The following LMX1A variants were observed in gnomAD, a reference collection of about 807,000 sequenced individuals.
LMX1A encodes LIM homeobox transcription factor 1 alpha.
A neutral mutation model predicts 49.1 loss-of-function variants in LMX1A; 15 were observed. That is an observed-to-expected ratio of 0.31 (90% CI 0.20 to 0.47). LMX1A has a LOEUF of 0.47. LMX1A is among the 20% of genes least tolerant of loss of function. The pLI is 1.00. For missense variants in LMX1A, 372 were observed against 475.8 expected, an observed-to-expected ratio of 0.78 and a Z score of 2.03; for synonymous variants, 167 against 185.7, an observed-to-expected ratio of 0.90 and a Z score of 0.82.
At chr1:165,213,920 T>C (rs1402648760) in intron 4 of LMX1A, 107 bp from the exon 5 acceptor site, 27 of 935,512 alleles carry the variant, frequency 2.9e-5, no homozygotes, top group Non-Finnish European at 4.3e-5. Context: ...GATGGCTTTA[T>C]GTATGAGAGC....
intron 4 of LMX1A, among the ~76,000 whole-genome samples, chr1:165,240,394 A>C (rs1457304423): frequency 3.9e-5 from 6 of 151,922 alleles, no homozygotes. Flanking sequence ...TCTCCAAGCT[A>C]TGTCCCTTTT....
At chr1:165,233,128 C>T (rs4657413) in intron 4 of LMX1A, among the ~76,000 whole-genome samples, 1 of 152,148 alleles carries the variant, frequency 6.6e-6, no homozygotes, top group African/African-American at 2.4e-5. Context: ...TGAAGACTCA[C>T]ACAATTGCAT....
At chr1:165,263,316 T>C (rs1188730547) in intron 3 of LMX1A, among the ~76,000 whole-genome samples, 2 of 152,142 alleles carry the variant, frequency 1.3e-5, no homozygotes, top group East Asian at 3.9e-4. Flanking sequence ...AAAATAAAAT[T>C]CCTGATCTTT....
chr1:165,213,958 G>T, intron 4 of LMX1A, 145 bp from the exon 5 acceptor site: 1 of 707,280 alleles, frequency 1.4e-6, no homozygotes, highest in Non-Finnish European at 2.3e-6. Context: ...TGCTTTGAAA[G>T]CTTCCAGGAA....
chr1:165,321,474 A>C (rs891579142), intron 3 of LMX1A, among the ~76,000 whole-genome samples: 1 of 152,184 alleles, frequency 6.6e-6, no homozygotes, highest in Non-Finnish European at 1.5e-5. Flanking sequence ...TCTCCTCTGC[A>C]ATAGCTTCCT....
intron 7 of LMX1A, among the ~76,000 whole-genome samples, chr1:165,206,688 T>A (rs1651096014): frequency 6.6e-6 from 1 of 152,092 alleles, no homozygotes; most frequent in Non-Finnish European, 1.5e-5. Flanking sequence ...CTAGCAGGCA[T>A]TAGGGCCCTA....
At chr1:165,245,409 C>A (rs1311425787) in intron 4 of LMX1A, among the ~76,000 whole-genome samples, 5 of 152,156 alleles carry the variant, frequency 3.3e-5, no homozygotes, top group Admixed American at 1.3e-4. Flanking sequence ...CTACGTTGAA[C>A]CAAAATCTGT....
intron 3 of LMX1A, among the ~76,000 whole-genome samples, chr1:165,275,046 A>G (rs979586016): frequency 6.6e-6 from 1 of 152,122 alleles, no homozygotes; most frequent in African/African-American, 2.4e-5. Flanking sequence ...GTCTTATTTT[A>G]ATTTTTAATT....
At chr1:165,283,258 A>G (rs1248507675) in intron 3 of LMX1A, among the ~76,000 whole-genome samples, 1 of 152,244 alleles carries the variant, frequency 6.6e-6, no homozygotes, top group African/African-American at 2.4e-5. Context: ...GTAACATAGA[A>G]GCAATAGGTT....
chr1:165,296,548 C>A (rs1235188174), intron 3 of LMX1A, among the ~76,000 whole-genome samples: 1 of 152,256 alleles, frequency 6.6e-6, no homozygotes, highest in Non-Finnish European at 1.5e-5. Flanking sequence ...TCACCTTCTT[C>A]AATGTCGCCA....
In LMX1A at chr1:165,235,393, C is replaced by G. The variant is rs143987308; in HGVS notation, c.496+14015G>C. On this transcript the variant is annotated intron_variant, in intron 4 of 8. Coordinates refer to ENST00000342310, the MANE Select transcript of LMX1A (RefSeq NM_177398.4). ...CTCCCTTTCAGCACAAGCGCTCACACGTGCGCTCGCGCGGACACACACACA... is the reference window on the plus strand; with the variant it reads ...CTCCCTTTCAGCACAAGCGCTCACAGGTGCGCTCGCGCGGACACACACACA... Among the ~76,000 whole-genome samples, 16 of 127,790 alleles carry G rather than the reference C, an allele frequency of 1.3e-4. No individual in the cohort carries two copies. The East Asian group carries it at 3.7e-3, about 30-fold the overall frequency. The allele number at this position is 127,790 out of a possible 152,430, so 83.8% of individuals were successfully genotyped here. A position where few individuals can be genotyped will look rare whatever the true frequency, so the allele number is the denominator to read the frequency against.
chr1:165,294,272 C>T (rs979358826), intron 3 of LMX1A, among the ~76,000 whole-genome samples: 1 of 152,240 alleles, frequency 6.6e-6, no homozygotes, highest in Non-Finnish European at 1.5e-5. Flanking sequence ...ACCACTCACA[C>T]ACAGTATTTT....
chr1:165,301,115 C>T (rs995630958), intron 3 of LMX1A, among the ~76,000 whole-genome samples: 1 of 152,134 alleles, frequency 6.6e-6, no homozygotes, highest in Non-Finnish European at 1.5e-5. Context: ...CGGCTTAACA[C>T]AATTCCAAAC....
intron 3 of LMX1A, among the ~76,000 whole-genome samples, chr1:165,275,845 GTA>G (rs1356110497): frequency 0.018 from 1,682 of 93,198 alleles, 27 homozygotes; most frequent in African/African-American, 0.052. Flanking sequence ...GGGTGTGTGT[GTA>G]TGTGTGTGTG....
At chr1:165,250,056 A>T (rs1050537438) in intron 3 of LMX1A, among the ~76,000 whole-genome samples, 2 of 151,948 alleles carry the variant, frequency 1.3e-5, no homozygotes, top group Non-Finnish European at 2.9e-5. Context: ...GGAGGGGAAC[A>T]ACACACTCTG....
At position 165,267,308 on chromosome 1, in the gene LMX1A, T is replaced by C. The variant is rs148262316; in HGVS notation, c.264-17668A>G. Among the ~76,000 whole-genome samples the C allele has an allele frequency of 2.5e-3, 384 of 152,330 alleles. 3 individuals are homozygous for C. Among genetic ancestry groups the C allele is most frequent in the African/African-American group, 8.5e-3 (355 of 41,572 alleles). On this transcript the variant is annotated intron_variant, in intron 3 of 8. Transcript: ENST00000342310. ...CTTAGCACAATGTTTTCTAGGTTCA[T>C]TGCATTCAGTAGCATATATCGAGGT...
chr1:165,214,995 G>C (rs6668715), intron 4 of LMX1A, among the ~76,000 whole-genome samples: 79,997 of 151,930 alleles, frequency 0.53, 21,726 homozygotes, highest in Non-Finnish European at 0.59. Flanking sequence ...ACCTGTGTAA[G>C]AGAGACTTCT....
At chr1:165,338,408 GT>G (rs1244764873) in intron 3 of LMX1A, among the ~76,000 whole-genome samples, 1 of 152,184 alleles carries the variant, frequency 6.6e-6, no homozygotes, top group Non-Finnish European at 1.5e-5. Flanking sequence ...TAATAATTGA[GT>G]TGAGGGAAAG....
At chr1:165,317,533 T>C (rs933939995) in intron 3 of LMX1A, among the ~76,000 whole-genome samples, 11 of 152,226 alleles carry the variant, frequency 7.2e-5, no homozygotes, top group Non-Finnish European at 1.3e-4. Context: ...GCCAGGGCTC[T>C]TACCACACGG....
Sources: gnomAD v4.1 joint callset for allele counts (sites outside exome capture counted in the v4.1 genomes callset) on GRCh38, gnomAD v4.1.1 for gene constraint, MANE v1.5 for transcripts, NCBI Gene and HGNC (gene_info 2026-07-23, HGNC 2026-07-21) for gene names.